Variants in C1QTNF7 observed in about 807,000 individuals in gnomAD.
The protein encoded by C1QTNF7 is C1q and TNF related 7, also known as complement C1q tumor necrosis factor-related protein 7.
A neutral mutation model predicts 19.6 loss-of-function variants in C1QTNF7; 15 were observed. That is an observed-to-expected ratio of 0.76 (90% CI 0.51 to 1.18). The LOEUF (loss-of-function observed/expected upper bound fraction) is 1.18, where lower values mean the gene tolerates loss of function less well. C1QTNF7 is among the 50% of genes most tolerant of loss of function. The probability of loss-of-function intolerance (pLI) is 0.00; values close to 1 mark genes in which losing one functional copy is unlikely to be tolerated. For synonymous variants in C1QTNF7, 142 were observed against 137.5 expected, an observed-to-expected ratio of 1.03 and a Z score of -0.23; for missense variants, 324 against 359.7, an observed-to-expected ratio of 0.90 and a Z score of 0.80.
intron 1 of C1QTNF7, among the ~76,000 whole-genome samples, chr4:15,416,475 G>C: frequency 6.6e-6 from 1 of 152,154 alleles, no homozygotes; most frequent in East Asian, 1.9e-4. Flanking sequence ...ACTTAGAGGT[G>C]ATCCTGAACG....
intron 1 of C1QTNF7, among the ~76,000 whole-genome samples, chr4:15,391,621 C>T (rs1718560577): frequency 6.6e-6 from 1 of 152,142 alleles, no homozygotes. Context: ...AGTCCCAGTG[C>T]CCTATCTCCA....
At position 15,408,228 on chromosome 4, in the gene C1QTNF7, C is replaced by T. The variant is rs575138956; in HGVS notation, c.14-27508C>T. ...TGGAGGTTGCAGTGAGCCGTAATTG[C>T]GTCACTGCACTCCAGCCTGGGCAAC... On this transcript the variant is annotated intron_variant, in intron 1 of 2. Coordinates refer to the C1QTNF7 transcript ENST00000295297. Among the ~76,000 whole-genome samples the T allele has an allele frequency of 3.0e-3, 416 of 138,454 alleles. 2 individuals are homozygous for T. Among genetic ancestry groups the T allele is most frequent in the African/African-American group, 0.011 (401 of 36,728 alleles). 90.8% of individuals were successfully genotyped at this position (138,454 alleles called of 152,430 possible).
chr4:15,357,233 T>TTAAA lies in C1QTNF7; in HGVS notation c.13+17028_13+17029insAATA, dbSNP rs550940593. Among the ~76,000 whole-genome samples, 4 of 152,362 alleles carry TTAAA rather than the reference T, an allele frequency of 2.6e-5. No homozygotes were observed. In the South Asian group the frequency reaches 8.3e-4, roughly 32 times the overall value. ...TCTAGGGTTTTTGTGGTGTTAGGTC[T>TTAAA]TACATTTAAGTCTTTAATTCACCTT... is the stretch of plus-strand genomic sequence containing the variant. On this transcript the variant is annotated intron_variant, in intron 1 of 2. Transcript: ENST00000295297.
chr4:15,391,820 G>A (rs543390582), intron 1 of C1QTNF7, among the ~76,000 whole-genome samples: 14 of 152,202 alleles, frequency 9.2e-5, no homozygotes, highest in Admixed American at 2.6e-4. Context: ...GAAGGAAAAG[G>A]AGGAAAAGGG....
intron 1 of C1QTNF7, among the ~76,000 whole-genome samples, chr4:15,409,929 T>C (rs1719345431): frequency 6.6e-6 from 1 of 152,216 alleles, no homozygotes; most frequent in Non-Finnish European, 1.5e-5. Context: ...TGTGCTGGAA[T>C]GAAGGTTATT....
At chr4:15,395,543 T>TA (rs1193398275) in intron 1 of C1QTNF7, among the ~76,000 whole-genome samples, 1 of 152,120 alleles carries the variant, frequency 6.6e-6, no homozygotes, top group East Asian at 1.9e-4. Flanking sequence ...ACAAAGCTGT[T>TA]ACAACCACAA....
intron 1 of C1QTNF7, among the ~76,000 whole-genome samples, chr4:15,431,464 A>T (rs1320482508): frequency 6.6e-6 from 1 of 152,180 alleles, no homozygotes; most frequent in South Asian, 2.1e-4. Flanking sequence ...TTTCTTTTGA[A>T]TTTTATGAAA....
At chr4:15,439,451 G>A (rs1045299143) in intron 2 of C1QTNF7, among the ~76,000 whole-genome samples, 2 of 152,148 alleles carry the variant, frequency 1.3e-5, no homozygotes, top group African/African-American at 4.8e-5. Context: ...AAGCCAGAGA[G>A]ATCAAGCCCT....
intron 1 of C1QTNF7, among the ~76,000 whole-genome samples, chr4:15,375,409 A>G (rs1717902266): frequency 6.6e-6 from 1 of 152,218 alleles, no homozygotes; most frequent in Non-Finnish European, 1.5e-5. Flanking sequence ...GGAAGCAGAA[A>G]TATCTAAATT....
intron 1 of C1QTNF7, among the ~76,000 whole-genome samples, chr4:15,388,527 G>C (rs1353288440): frequency 2.0e-5 from 3 of 152,196 alleles, no homozygotes; most frequent in Non-Finnish European, 4.4e-5. Flanking sequence ...AAGGAGTCAT[G>C]GGATTTGGGA....
In C1QTNF7 at chr4:15,442,800, T is replaced by G. The variant is rs761842145; in HGVS notation, c.*1T>G. 1 of 1,598,208 alleles carries G rather than the reference T, an allele frequency of 6.3e-7. No individual in the cohort carries two copies. Among genetic ancestry groups the G allele is most frequent in the South Asian group, 1.1e-5 (1 of 88,512 alleles). ...CATATCAGAAGATGATGAATTGTGA[T>G]CAGGACCAAGATCCCTGTGGTAAAC... On this transcript the variant is annotated 3_prime_UTR_variant, in exon 3 of 3. Transcript: ENST00000444304.
chr4:15,353,548 A>G (rs779318209), intron 1 of C1QTNF7, among the ~76,000 whole-genome samples: 5 of 152,206 alleles, frequency 3.3e-5, no homozygotes, highest in Non-Finnish European at 5.9e-5. Flanking sequence ...CTGTGGAGAC[A>G]TGGGCAAGGT....
intron 1 of C1QTNF7, among the ~76,000 whole-genome samples, chr4:15,407,783 C>T (rs1025952893): frequency 6.6e-6 from 1 of 151,980 alleles, no homozygotes; most frequent in Non-Finnish European, 1.5e-5. Flanking sequence ...ACATGTTAGC[C>T]GGGTGTGGTG....
chr4:15,440,299 TA>T (rs1295757395), intron 2 of C1QTNF7, among the ~76,000 whole-genome samples: 2 of 147,710 alleles, frequency 1.4e-5, no homozygotes, highest in Non-Finnish European at 3.0e-5. Context: ...AAACACTATT[TA>T]AGATTCTTGA....
chr4:15,394,691 A>G (rs1718715714), intron 1 of C1QTNF7, among the ~76,000 whole-genome samples: 1 of 152,076 alleles, frequency 6.6e-6, no homozygotes, highest in Non-Finnish European at 1.5e-5. Context: ...ATTTTCAAAA[A>G]TTACAAACAT....
intron 1 of C1QTNF7, among the ~76,000 whole-genome samples, chr4:15,386,068 C>T (rs986094297): frequency 6.6e-6 from 1 of 152,206 alleles, no homozygotes; most frequent in Non-Finnish European, 1.5e-5. Flanking sequence ...GCTGTCTATT[C>T]TCCTTCCTTT....
At chr4:15,371,296 A>T (rs1166538118) in intron 1 of C1QTNF7, among the ~76,000 whole-genome samples, 3 of 152,256 alleles carry the variant, frequency 2.0e-5, no homozygotes, top group African/African-American at 7.2e-5. Flanking sequence ...TTGGTGGTAC[A>T]CAGAGGGCTT....
At chr4:15,417,670 T>A (rs1431132054) in intron 1 of C1QTNF7, among the ~76,000 whole-genome samples, 1 of 152,146 alleles carries the variant, frequency 6.6e-6, no homozygotes, top group African/African-American at 2.4e-5. Context: ...GGTAGGAGGA[T>A]GGCTTTAGCC....
intron 1 of C1QTNF7, among the ~76,000 whole-genome samples, chr4:15,354,076 G>A (rs1340672836): frequency 2.0e-5 from 3 of 152,038 alleles, no homozygotes; most frequent in African/African-American, 7.2e-5. Context: ...CTGGCTATGC[G>A]CACTTTGTCC....
Sources: allele counts gnomAD v4.1 joint callset (sites outside exome capture counted in the v4.1 genomes callset), GRCh38; gene constraint gnomAD v4.1.1; transcripts MANE v1.5; gene names NCBI Gene and HGNC (gene_info 2026-07-23, HGNC 2026-07-21).